Variants in COL9A1 observed in about 807,000 individuals in gnomAD.
COL9A1 encodes the protein collagen type IX alpha 1 chain.
Under a neutral mutation model 142.6 loss-of-function variants are expected in COL9A1, and 104 were observed. That is an observed-to-expected ratio of 0.73 (90% CI 0.62 to 0.86). The LOEUF (loss-of-function observed/expected upper bound fraction) is 0.86. Among genes scored for constraint, COL9A1 ranks in the 40% least tolerant of loss-of-function variants. The pLI, the probability that COL9A1 is intolerant of heterozygous loss-of-function variation, is 0.00. For synonymous variants in COL9A1, 466 were observed against 396.0 expected (o/e 1.18, Z -2.10); for missense variants, 1,210 against 1,176.6 (o/e 1.03, Z -0.42).
rs118084197 is a variant in COL9A1 at position 70,295,685 on chromosome 6, C to A, written c.300-1122G>T. Reference sequence around the variant, plus strand: ...AACCAGTAGTGTCCCTGAGGCATCTCTACCCTATACAGAGACTGTGGTCTG... The same window carrying A: ...AACCAGTAGTGTCCCTGAGGCATCTATACCCTATACAGAGACTGTGGTCTG... On this transcript the variant is annotated intron_variant, in intron 4 of 37. Transcript: ENST00000357250. Among the ~76,000 whole-genome samples the A allele has an allele frequency of 5.1e-4, 78 of 152,284 alleles. No homozygotes were observed. The East Asian group carries it at 0.014, about 27-fold the overall frequency.
intron 17 of COL9A1, among the ~76,000 whole-genome samples, 192 bp from the exon 18 acceptor site, chr6:70,266,962 C>T (rs1290519767): frequency 2.0e-5 from 3 of 152,190 alleles, no homozygotes; most frequent in African/African-American, 7.2e-5. Context: ...ATCAGTTTTA[C>T]TTAATAGAAA....
At position 70,244,936 on chromosome 6, in the gene COL9A1, C is replaced by T. The variant is rs919171926; in HGVS notation, c.1873-2221G>A. 4.6e-5 allele frequency among the ~76,000 whole-genome samples: 7 copies of T among 152,274 alleles called. No individual in the cohort carries two copies. The South Asian group carries it at 1.0e-3, about 23-fold the overall frequency. Reference sequence around the variant, plus strand: ...CAGCCTGCTCTGCTGAACTTGTGTACCCATAAGAGTCCACCATATGTAGCA... The same window carrying T: ...CAGCCTGCTCTGCTGAACTTGTGTATCCATAAGAGTCCACCATATGTAGCA... On this transcript the variant is annotated intron_variant, in intron 28 of 37. Coordinates refer to ENST00000357250, the MANE Select transcript of COL9A1 (RefSeq NM_001851.6).
chr6:70,300,569 C>T (rs571761233), intron 2 of COL9A1, among the ~76,000 whole-genome samples, 183 bp from the exon 3 acceptor site: 8 of 151,758 alleles, frequency 5.3e-5, no homozygotes, highest in Admixed American at 1.3e-4. Context: ...AATATTATAC[C>T]AGCTTGCTTA....
chr6:70,290,720 T>C (rs768040647), intron 5 of COL9A1, among the ~76,000 whole-genome samples: 4 of 152,138 alleles, frequency 2.6e-5, no homozygotes, highest in Admixed American at 6.5e-5. Context: ...TGACATCTGA[T>C]AATCCCTTTA....
At chr6:70,231,515 G>A (rs1366074553) in intron 36 of COL9A1, among the ~76,000 whole-genome samples, 1 of 151,870 alleles carries the variant, frequency 6.6e-6, no homozygotes, top group Non-Finnish European at 1.5e-5. Context: ...AGCCTTATAA[G>A]AGGTCTCAGT....
chr6:70,218,996 C>A (rs779784277), intron 37 of COL9A1, among the ~76,000 whole-genome samples: 1 of 152,076 alleles, frequency 6.6e-6, no homozygotes, highest in African/African-American at 2.4e-5. Flanking sequence ...TGAAGCAGAT[C>A]ATTATGTGTT....
intron 5 of COL9A1, among the ~76,000 whole-genome samples, chr6:70,285,951 C>T (rs1410717509): frequency 6.6e-6 from 1 of 152,068 alleles, no homozygotes; most frequent in East Asian, 1.9e-4. Context: ...TGCAGTAGCA[C>T]AATCTTGGCT....
chr6:70,250,124 G>A (rs1434074376), intron 28 of COL9A1, among the ~76,000 whole-genome samples: 1 of 135,280 alleles, frequency 7.4e-6, no homozygotes, highest in Non-Finnish European at 1.7e-5. Context: ...AGCTGGGCAT[G>A]GTGGTGTGCA....
chr6:70,252,311 C>G lies in COL9A1; in HGVS notation c.1769G>C (p.Ser590Thr). The G allele has an allele frequency of 6.2e-7, 1 of 1,614,034 alleles. No individual in the cohort carries two copies. Among genetic ancestry groups the G allele is most frequent in the South Asian group, 1.1e-5 (1 of 91,074 alleles). ...GAKGVAGEKG[S>T]TGAPGKPGQM... ...ACCAGGCTTCCCTGGAGCACCTGTGCTACCCTAAGGGTAAAATGCAACATC... is the reference window on the plus strand; with the variant it reads ...ACCAGGCTTCCCTGGAGCACCTGTGGTACCCTAAGGGTAAAATGCAACATC... Residue 590 changes from serine (S) to threonine (T), a missense_variant, in exon 27 of 38, where the codon AGC becomes ACC. Ser to Thr is a moderately conservative substitution (Grantham distance 58, BLOSUM62 1). Coordinates refer to ENST00000357250, the MANE Select transcript of COL9A1 (RefSeq NM_001851.6).
intron 1 of COL9A1, 130 bp from the exon 2 acceptor site, chr6:70,302,204 CTTTTTTT>C (rs202054376): frequency 1.2e-4 from 42 of 354,896 alleles, no homozygotes; most frequent in East Asian, 2.8e-4. Context: ...TTTTTCATTT[CTTTTTTT>C]TTTTTTTTTT....
chr6:70,268,114 T>A, intron 17 of COL9A1, among the ~76,000 whole-genome samples: 1 of 152,154 alleles, frequency 6.6e-6, no homozygotes, highest in East Asian at 1.9e-4. Flanking sequence ...TCCTGACTAT[T>A]TTGCACAGTT....
chr6:70,270,219 G>C, intron 15 of COL9A1, 95 bp downstream of exon 15: 1 of 1,256,978 alleles, frequency 8.0e-7, no homozygotes, highest in Non-Finnish European at 1.2e-6. Flanking sequence ...TTGGGACAAT[G>C]ACTCAATTAA....
intron 28 of COL9A1, among the ~76,000 whole-genome samples, chr6:70,249,151 T>C (rs1042554988): frequency 1.6e-5 from 2 of 123,984 alleles, no homozygotes; most frequent in East Asian, 3.9e-4. Flanking sequence ...ATTTTAGACT[T>C]TCTCTTACTG....
At chr6:70,289,772 C>T (rs1773590253) in intron 5 of COL9A1, among the ~76,000 whole-genome samples, 1 of 152,060 alleles carries the variant, frequency 6.6e-6, no homozygotes, top group Non-Finnish European at 1.5e-5. Context: ...TATGCATTTC[C>T]TAAATCACCA....
Position 70,217,066 on chromosome 6 carries a change from G to A in COL9A1, c.2597C>T (p.Ala866Val). Residue 866 changes from alanine (A) to valine (V), a missense_variant, in exon 38 of 38, where the codon GCC (alanine) becomes GTC (valine). Physicochemically the swap from Ala to Val is moderately conservative, Grantham distance 64. Coordinates refer to ENST00000357250, the MANE Select transcript of COL9A1 (RefSeq NM_001851.6). ...AIGLPGDPGP[A>V]SYGRNGRDGE... ...GTCTCGGCCATTTCTGCCATAGCTG[G>A]CAGGGCCTGGGTCACCTGAAACACA... 1 of 1,614,088 alleles carries A rather than the reference G, an allele frequency of 6.2e-7. No individual in the cohort carries two copies. Among genetic ancestry groups the A allele is most frequent in the Non-Finnish European group, 8.5e-7 (1 of 1,180,036 alleles).
At chr6:70,299,154 T>C (rs905138517) in intron 4 of COL9A1, among the ~76,000 whole-genome samples, 1 of 152,168 alleles carries the variant, frequency 6.6e-6, no homozygotes. Flanking sequence ...GTTCAAAATA[T>C]GAATTTCTAG....
chr6:70,295,308 A>G (rs1237522491), intron 4 of COL9A1, among the ~76,000 whole-genome samples: 4 of 20,764 alleles, frequency 1.9e-4, no homozygotes, highest in African/African-American at 5.9e-4. Context: ...TTTTTTTTTT[A>G]TGGAGTCTCA....
intron 25 of COL9A1, 123 bp from the exon 26 acceptor site, chr6:70,253,552 G>A: frequency 1.4e-6 from 1 of 724,078 alleles, no homozygotes; most frequent in South Asian, 1.8e-5. Context: ...TTTAATGTAA[G>A]GAAGATGCTT....
chr6:70,242,768 T>C, intron 28 of COL9A1, 53 bp from the exon 29 acceptor site: 1 of 1,528,896 alleles, frequency 6.5e-7, no homozygotes, highest in Non-Finnish European at 9.1e-7. Flanking sequence ...TTCAAATGCT[T>C]AGTTACTATG....
Sources: allele counts gnomAD v4.1 joint callset (sites outside exome capture counted in the v4.1 genomes callset), GRCh38; gene constraint gnomAD v4.1.1; transcripts MANE v1.5; gene names NCBI Gene and HGNC (gene_info 2026-07-23, HGNC 2026-07-21).